Variants in FRMD3 observed in about 807,000 individuals in gnomAD.
FRMD3 encodes FERM domain-containing protein 3.
Under a neutral mutation model 70.2 loss-of-function variants are expected in FRMD3, and 33 were observed. That is an observed-to-expected ratio of 0.47 (90% CI 0.36 to 0.63). The LOEUF is 0.63. Among genes scored for constraint, FRMD3 ranks in the 20% least tolerant of loss-of-function variants. The probability of loss-of-function intolerance (pLI) is 0.00; values close to 1 mark genes in which losing one functional copy is unlikely to be tolerated. For synonymous variants in FRMD3, 279 were observed against 255.9 expected, an observed-to-expected ratio of 1.09 and a Z score of -0.86; for missense variants, 632 against 711.4, an observed-to-expected ratio of 0.89 and a Z score of 1.27.
intron 1 of FRMD3, among the ~76,000 whole-genome samples, chr9:83,442,459 T>C (rs540665238): frequency 1.0e-3 from 153 of 152,162 alleles, no homozygotes; most frequent in African/African-American, 3.4e-3. Context: ...GGTTTCACCA[T>C]GTTGGCCAGG....
At chr9:83,373,346 C>G (rs142628190) in intron 2 of FRMD3, among the ~76,000 whole-genome samples, 1 of 152,304 alleles carries the variant, frequency 6.6e-6, no homozygotes, top group African/African-American at 2.4e-5. Context: ...GAATCACAGT[C>G]CAAGGCAGCA....
intron 2 of FRMD3, among the ~76,000 whole-genome samples, chr9:83,378,772 A>G (rs902239423): frequency 8.6e-5 from 9 of 105,100 alleles, no homozygotes; most frequent in African/African-American, 3.5e-4. Flanking sequence ...TATATTATAT[A>G]TAATATATAT....
the FRMD3 span, among the ~76,000 whole-genome samples, chr9:83,550,208 T>G: frequency 2.6e-5 from 4 of 152,292 alleles, no homozygotes; most frequent in Admixed American, 2.6e-4. Flanking sequence ...GAATAGGAAG[T>G]CTTTTCCCCA....
intron 1 of FRMD3, among the ~76,000 whole-genome samples, chr9:83,394,816 T>C (rs1825767914): frequency 6.6e-6 from 1 of 152,140 alleles, no homozygotes. Context: ...AAGTATGTAC[T>C]AGGAAAACAG....
the FRMD3 span, among the ~76,000 whole-genome samples, chr9:83,559,536 A>C: frequency 6.6e-6 from 1 of 152,228 alleles, no homozygotes; most frequent in Admixed American, 6.5e-5. Context: ...GTATGCCTGC[A>C]CTTGACTAGA....
chr9:83,497,072 C>G (rs1455813499), intron 1 of FRMD3, among the ~76,000 whole-genome samples: 1 of 152,106 alleles, frequency 6.6e-6, no homozygotes, highest in Admixed American at 6.5e-5. Context: ...CAAGATTGTA[C>G]CATTGCACTC....
At chr9:83,527,907 G>C (rs1251188133) in intron 1 of FRMD3, among the ~76,000 whole-genome samples, 1 of 152,162 alleles carries the variant, frequency 6.6e-6, no homozygotes, top group Non-Finnish European at 1.5e-5. Context: ...CCATCACAGA[G>C]TGAGAACTAA....
At chr9:83,466,355 A>G (rs1341779113) in intron 1 of FRMD3, among the ~76,000 whole-genome samples, 1 of 152,226 alleles carries the variant, frequency 6.6e-6, no homozygotes, top group Non-Finnish European at 1.5e-5. Context: ...GGCAACAAAG[A>G]CTGCCTACCA....
intron 1 of FRMD3, among the ~76,000 whole-genome samples, chr9:83,433,025 A>G (rs1402969963): frequency 6.6e-6 from 1 of 152,196 alleles, no homozygotes. Flanking sequence ...ACTTAGAATT[A>G]TGGCTTCTAG....
intron 1 of FRMD3, among the ~76,000 whole-genome samples, chr9:83,468,123 A>C (rs1256932749): frequency 1.3e-5 from 2 of 152,266 alleles, no homozygotes; most frequent in Non-Finnish European, 2.9e-5. Flanking sequence ...AATTGATTAA[A>C]TATGGATATA....
intron 13 of FRMD3, among the ~76,000 whole-genome samples, chr9:83,269,627 T>C (rs1306648668): frequency 6.6e-6 from 1 of 151,924 alleles, no homozygotes; most frequent in Non-Finnish European, 1.5e-5. Flanking sequence ...GAGAATTGCA[T>C]AAACCCGGGA....
intron 2 of FRMD3, among the ~76,000 whole-genome samples, chr9:83,377,132 AAG>A (rs1283304357): frequency 6.6e-6 from 1 of 152,216 alleles, no homozygotes; most frequent in Admixed American, 6.5e-5. Flanking sequence ...CTAAGATACT[AAG>A]AGACAGCCAG....
At chr9:83,530,621 G>A (rs550291206) in intron 1 of FRMD3, among the ~76,000 whole-genome samples, 81 of 152,232 alleles carry the variant, frequency 5.3e-4, no homozygotes, top group East Asian at 1.5e-3. Context: ...TTAAGTGGGC[G>A]TACTACAAGG....
chr9:83,500,539 C>A (rs1564106245), intron 1 of FRMD3, among the ~76,000 whole-genome samples: 3 of 135,044 alleles, frequency 2.2e-5, no homozygotes, highest in African/African-American at 7.7e-5. Flanking sequence ...CACACACACA[C>A]AATGTCAATA....
chr9:83,504,805 C>A (rs1477790607), intron 1 of FRMD3, among the ~76,000 whole-genome samples: 3 of 152,162 alleles, frequency 2.0e-5, no homozygotes, highest in Non-Finnish European at 4.4e-5. Flanking sequence ...CAGCCTCTCC[C>A]TACTAGAATA....
intron 2 of FRMD3, among the ~76,000 whole-genome samples, chr9:83,376,749 T>C (rs1351062788): frequency 6.6e-6 from 1 of 152,062 alleles, no homozygotes; most frequent in African/African-American, 2.4e-5. Flanking sequence ...CTGTGCTATA[T>C]TCCTTTTGAT....
chr9:83,440,285 G>A (rs759834686), intron 1 of FRMD3, among the ~76,000 whole-genome samples: 1 of 152,208 alleles, frequency 6.6e-6, no homozygotes, highest in Admixed American at 6.5e-5. Flanking sequence ...AGAACACAAA[G>A]CTCCCCTTGT....
At chr9:83,402,679 A>G (rs893330805) in intron 1 of FRMD3, among the ~76,000 whole-genome samples, 2 of 152,160 alleles carry the variant, frequency 1.3e-5, no homozygotes, top group African/African-American at 4.8e-5. Flanking sequence ...GTCCACATGT[A>G]TCAGCCTCAG....
intron 4 of FRMD3, among the ~76,000 whole-genome samples, chr9:83,345,183 G>T (rs1823914555): frequency 6.6e-6 from 1 of 152,160 alleles, no homozygotes; most frequent in Non-Finnish European, 1.5e-5. Flanking sequence ...TGCTGTGTGG[G>T]CACTGGGGGC....
Sources: gnomAD v4.1 joint callset for allele counts (sites outside exome capture counted in the v4.1 genomes callset) on GRCh38, gnomAD v4.1.1 for gene constraint, MANE v1.5 for transcripts, NCBI Gene and HGNC (gene_info 2026-07-23, HGNC 2026-07-21) for gene names.